The following MCUB variants were observed in gnomAD, a reference collection of about 807,000 sequenced individuals.
The protein encoded by MCUB is calcium uniporter regulatory subunit MCUb, mitochondrial.
MCUB carries 46 observed loss-of-function variants against 41.4 expected under a neutral mutation model. The observed-to-expected ratio is 1.11, with a 90% CI of 0.88 to 1.42. The LOEUF is 1.42. Among genes scored for constraint, MCUB ranks in the 40% most tolerant of loss-of-function variants. The pLI is 0.00. For synonymous variants in MCUB, 148 were observed against 148.2 expected, an observed-to-expected ratio of 1.00 and a Z score of 0.01; for missense variants, 403 against 404.9, an observed-to-expected ratio of 1.00 and a Z score of 0.04.
At chr4:109,619,001 T>A (rs1728190213) in intron 1 of MCUB, among the ~76,000 whole-genome samples, 1 of 139,090 alleles carries the variant, frequency 7.2e-6, no homozygotes, top group African/African-American at 2.6e-5. Context: ...CCTACCAACC[T>A]ACCTACCTAC....
intron 1 of MCUB, among the ~76,000 whole-genome samples, chr4:109,622,905 G>A (rs1441242665): frequency 1.3e-5 from 2 of 152,184 alleles, no homozygotes; most frequent in African/African-American, 2.4e-5. Flanking sequence ...GCATCATGCA[G>A]GTCAACAACC....
rs908524197 is a variant in MCUB at position 109,583,714 on chromosome 4, C to G, written c.99+23278C>G. The stretch of plus-strand genomic sequence containing the variant: ...GACTATGGGTTTGTCATAAATAGCT[C>G]TTATTATTTTGAGATACATCTCATC... On this transcript the variant is annotated intron_variant, in intron 1 of 7. Coordinates refer to ENST00000394650, the MANE Select transcript of MCUB (RefSeq NM_017918.5). 2.0e-5 allele frequency among the ~76,000 whole-genome samples: 3 copies of G among 152,076 alleles called. No individual in the cohort carries two copies. In the East Asian group the frequency reaches 5.8e-4, roughly 29 times the overall value.
At chr4:109,679,324 C>T (rs1046254275) in intron 4 of MCUB, among the ~76,000 whole-genome samples, 9 of 152,308 alleles carry the variant, frequency 5.9e-5, no homozygotes, top group East Asian at 1.9e-4. Context: ...TGTAGTGAGC[C>T]GAGATCACGC....
At chr4:109,676,867 T>C (rs922464518) in intron 4 of MCUB, among the ~76,000 whole-genome samples, 1 of 152,242 alleles carries the variant, frequency 6.6e-6, no homozygotes, top group East Asian at 1.9e-4. Flanking sequence ...GGAGAATAGA[T>C]TTAAAGACAG....
chr4:109,642,356 G>A (rs1245876670), intron 1 of MCUB, among the ~76,000 whole-genome samples: 3 of 152,174 alleles, frequency 2.0e-5, no homozygotes, highest in East Asian at 1.9e-4. Flanking sequence ...AGGGCAAATC[G>A]TAGCACCATA....
At chr4:109,572,905 A>G (rs1726947808) in intron 1 of MCUB, among the ~76,000 whole-genome samples, 1 of 152,174 alleles carries the variant, frequency 6.6e-6, no homozygotes, top group African/African-American at 2.4e-5. Context: ...GTGGAATATT[A>G]GTAAGGCTTC....
intron 1 of MCUB, among the ~76,000 whole-genome samples, chr4:109,598,211 G>A (rs1480238866): frequency 6.6e-6 from 1 of 150,564 alleles, no homozygotes; most frequent in African/African-American, 2.4e-5. Flanking sequence ...GGCAGAGGAT[G>A]CAATCTCGGC....
chr4:109,625,777 T>G (rs577204794), intron 1 of MCUB, among the ~76,000 whole-genome samples: 1 of 152,280 alleles, frequency 6.6e-6, no homozygotes, highest in African/African-American at 2.4e-5. Context: ...AATAAATGGT[T>G]TTGGGAGAAA....
intron 1 of MCUB, among the ~76,000 whole-genome samples, chr4:109,657,294 A>G (rs1225740761): frequency 6.6e-6 from 1 of 151,494 alleles, no homozygotes; most frequent in African/African-American, 2.4e-5. Flanking sequence ...GTTGACATTT[A>G]TTGCCTATGT....
chr4:109,684,681 C>G, intron 6 of MCUB, 35 bp downstream of exon 6: 2 of 993,066 alleles, frequency 2.0e-6, no homozygotes, highest in Non-Finnish European at 3.2e-6. Flanking sequence ...TAAGTTAGAA[C>G]ATCTTTGCAA....
intron 3 of MCUB, among the ~76,000 whole-genome samples, chr4:109,661,510 A>G (rs1579089183): frequency 6.6e-6 from 1 of 152,206 alleles, no homozygotes; most frequent in African/African-American, 2.4e-5. Flanking sequence ...GCACTGTTCT[A>G]TACGCTAGAG....
chr4:109,678,839 C>T (rs1422410053), intron 4 of MCUB, among the ~76,000 whole-genome samples: 3 of 134,220 alleles, frequency 2.2e-5, no homozygotes, highest in African/African-American at 5.8e-5. Context: ...TGGGCAGAGG[C>T]GCTCTCACTT....
At position 109,660,113 on chromosome 4, in the gene MCUB, A is replaced by T; in HGVS notation, c.176-82A>T. On this transcript the variant is annotated intron_variant, in intron 2 of 7. Transcript: ENST00000394650. ...CAGAGGTTTGTGAATTTCATGTTTG[A>T]GCATTCCTTCTAGAATTCTTGTATT... 7.1e-6 allele frequency: 5 copies of T among 704,478 alleles called. No homozygotes were observed. The South Asian group carries it at 1.0e-4, about 14-fold the overall frequency. The allele number at this position is 704,478 out of a possible 1,614,324, so 43.6% of individuals were successfully genotyped here. A position where few individuals can be genotyped will look rare whatever the true frequency, so the allele number is the denominator to read the frequency against.
Position 109,594,408 on chromosome 4 carries a change from A to G in MCUB, c.99+33972A>G, listed in dbSNP as rs577973634. On this transcript the variant is annotated intron_variant, in intron 1 of 7. Coordinates refer to ENST00000394650, the MANE Select transcript of MCUB (RefSeq NM_017918.5). Reference sequence around the variant, plus strand: ...TTTCAAGAGAACTGTGAAGGGCACAATGAAGCCCACTGTCATATTACTAGA... The same window carrying G: ...TTTCAAGAGAACTGTGAAGGGCACAGTGAAGCCCACTGTCATATTACTAGA... Among the ~76,000 whole-genome samples, 9 of 152,306 alleles carry G rather than the reference A, an allele frequency of 5.9e-5. No homozygotes were observed. The South Asian group carries it at 6.2e-4, about 11-fold the overall frequency.
chr4:109,602,349 T>G (rs1727764490), intron 1 of MCUB, among the ~76,000 whole-genome samples: 1 of 152,248 alleles, frequency 6.6e-6, no homozygotes, highest in Admixed American at 6.5e-5. Flanking sequence ...TTTCAGGTCT[T>G]AAATTTAAGT....
intron 1 of MCUB, among the ~76,000 whole-genome samples, chr4:109,585,593 T>G (rs1023637308): frequency 6.6e-6 from 1 of 152,240 alleles, no homozygotes; most frequent in Non-Finnish European, 1.5e-5. Context: ...GTACTGGTTG[T>G]TCTTTTCCAT....
chr4:109,622,613 G>C (rs1025842544), intron 1 of MCUB, among the ~76,000 whole-genome samples: 1 of 152,188 alleles, frequency 6.6e-6, no homozygotes, highest in Non-Finnish European at 1.5e-5. Context: ...AACCAATAAT[G>C]TAGATTGTAA....
chr4:109,589,102 C>T (rs1453213951), intron 1 of MCUB, among the ~76,000 whole-genome samples: 1 of 152,154 alleles, frequency 6.6e-6, no homozygotes, highest in Admixed American at 6.5e-5. Flanking sequence ...TGTTGGCATC[C>T]TTCTGATGGT....
At chr4:109,687,415 GCTGTAAGGAGA>G (rs1307575386) in intron 7 of MCUB, 89 bp from the exon 8 acceptor site, 11 of 774,172 alleles carry the variant, frequency 1.4e-5, no homozygotes, top group South Asian at 6.3e-5. Flanking sequence ...ACATTTTATT[GCTGTAAGGAGA>G]CGCTAAGTTT....
Sources: gnomAD v4.1 joint callset for allele counts (sites outside exome capture counted in the v4.1 genomes callset) on GRCh38, gnomAD v4.1.1 for gene constraint, MANE v1.5 for transcripts, NCBI Gene and HGNC (gene_info 2026-07-23, HGNC 2026-07-21) for gene names.